MYT1L: variants seen among roughly 807,000 people sequenced by gnomAD.
MYT1L encodes the protein myelin transcription factor 1-like protein.
A neutral mutation model predicts 126.7 loss-of-function variants in MYT1L; 12 were observed. That is an observed-to-expected ratio of 0.09 (90% CI 0.06 to 0.15). The LOEUF (loss-of-function observed/expected upper bound fraction) is 0.15. Ranked by LOEUF, MYT1L falls within the 10% of genes least tolerant of loss-of-function variation. The pLI is 1.00. For synonymous variants in MYT1L, 541 were observed against 604.2 expected (o/e 0.90, Z 1.53); for missense variants, 979 against 1,585.2 (o/e 0.62, Z 6.49).
In MYT1L at chr2:1,979,656, G is replaced by A. The variant is rs2060451899; in HGVS notation, c.55+67C>T. 3.1e-6 allele frequency: 5 copies of A among 1,605,940 alleles called. No individual in the cohort carries two copies. The highest frequency in any genetic ancestry group is 2.2e-5 in the South Asian group (2 of 90,818). The stretch of plus-strand genomic sequence containing the variant: ...GTGGCATGAAAGTGGGGTCAGAATC[G>A]ACCTCAGTTCCGCAGGATGAAGGTG... On this transcript the variant is annotated intron_variant, in intron 6 of 24. Coordinates refer to ENST00000647738, the MANE Select transcript of MYT1L (RefSeq NM_001303052.2). This position sits in a 1 kb window ranked among gnomAD's most constrained non-coding sequence, Gnocchi z 4.0.
intron 4 of MYT1L, among the ~76,000 whole-genome samples, chr2:2,010,280 C>G (rs2063702347): frequency 6.6e-6 from 1 of 152,168 alleles, no homozygotes. Flanking sequence ...AATGACCCTT[C>G]AGGTCTGGGG....
intron 5 of MYT1L, among the ~76,000 whole-genome samples, chr2:1,987,881 T>C (rs2061167293): frequency 6.6e-6 from 1 of 152,168 alleles, no homozygotes; most frequent in African/African-American, 2.4e-5. Context: ...GGGTAGATAC[T>C]GGAACTGTAT....
intron 9 of MYT1L, among the ~76,000 whole-genome samples, chr2:1,942,322 C>A (rs1000688491): frequency 6.6e-6 from 1 of 152,160 alleles, no homozygotes; most frequent in Non-Finnish European, 1.5e-5. Context: ...AACGCACTGC[C>A]GGGAACATTC....
chr2:1,831,577 G>A (rs1478624899), intron 21 of MYT1L, among the ~76,000 whole-genome samples: 1 of 152,182 alleles, frequency 6.6e-6, no homozygotes, highest in African/African-American at 2.4e-5. Flanking sequence ...TTTGGTGCCT[G>A]ATCTTTTCCC....
chr2:1,902,806 C>G (rs937589360), intron 14 of MYT1L: 1 of 455,764 alleles, frequency 2.2e-6, no homozygotes, highest in African/African-American at 2.0e-5. Context: ...CAGTCCATAG[C>G]TTCTCCCTCT....
intron 3 of MYT1L, among the ~76,000 whole-genome samples, chr2:2,078,160 G>A (rs2075417141): frequency 6.6e-6 from 1 of 151,670 alleles, no homozygotes; most frequent in Non-Finnish European, 1.5e-5. Flanking sequence ...TAATTTCCAG[G>A]GAAATTAATG....
intron 4 of MYT1L, among the ~76,000 whole-genome samples, chr2:2,027,235 C>T (rs2065735661): frequency 2.0e-5 from 3 of 152,108 alleles, no homozygotes; most frequent in African/African-American, 4.8e-5. Context: ...AGAGCTCCAC[C>T]CCGGGAGGCA....
chr2:2,129,515 C>A (rs974264127), intron 3 of MYT1L, among the ~76,000 whole-genome samples: 3 of 152,120 alleles, frequency 2.0e-5, no homozygotes, highest in African/African-American at 7.2e-5. Flanking sequence ...AGCTGTCCCC[C>A]CAGAGTGCCT....
intron 8 of MYT1L, among the ~76,000 whole-genome samples, chr2:1,972,951 G>T (rs185698222): frequency 6.6e-6 from 1 of 151,094 alleles, no homozygotes. Flanking sequence ...CCTAACTTTC[G>T]GGTGTTTATT....
At chr2:2,101,590 C>G (rs1049973211) in intron 3 of MYT1L, among the ~76,000 whole-genome samples, 13 of 151,898 alleles carry the variant, frequency 8.6e-5, no homozygotes, top group Non-Finnish European at 1.9e-4. Context: ...ACCACCCATC[C>G]ATCCAACCAC....
At chr2:1,957,304 T>C (rs937603129) in intron 8 of MYT1L, among the ~76,000 whole-genome samples, 12 of 152,140 alleles carry the variant, frequency 7.9e-5, no homozygotes, top group African/African-American at 2.7e-4. Context: ...GGGGTATGAG[T>C]GGTTTTGGTT....
intron 2 of MYT1L, among the ~76,000 whole-genome samples, chr2:2,231,942 TGTG>T (rs2094172360): frequency 6.6e-6 from 1 of 152,236 alleles, no homozygotes; most frequent in Non-Finnish European, 1.5e-5. Flanking sequence ...AACGGATTAT[TGTG>T]GTTCTTCTCA....
Position 1,864,542 on chromosome 2 carries a change from G to C in MYT1L, c.2712-12839C>G, listed in dbSNP as rs546432146. 3.3e-5 allele frequency among the ~76,000 whole-genome samples: 5 copies of C among 152,306 alleles called. No homozygotes were observed. The South Asian group carries it at 1.0e-3, about 32-fold the overall frequency. On this transcript the variant is annotated intron_variant, in intron 18 of 24. Coordinates refer to ENST00000647738, the MANE Select transcript of MYT1L (RefSeq NM_001303052.2). The stretch of plus-strand genomic sequence containing the variant: ...CTGGACACTCCCCAGGGGAGAGCTG[G>C]CCCTGTCCCCCAGTCGCCGTCCCCA...
intron 1 of MYT1L, among the ~76,000 whole-genome samples, chr2:2,293,211 T>A (rs2095624616): frequency 6.6e-6 from 1 of 152,112 alleles, no homozygotes; most frequent in Non-Finnish European, 1.5e-5. Flanking sequence ...GCTGTGTCCA[T>A]CTTCTATGTA....
intron 8 of MYT1L, among the ~76,000 whole-genome samples, chr2:1,954,822 T>C (rs879441830): frequency 6.6e-6 from 1 of 152,002 alleles, no homozygotes; most frequent in African/African-American, 2.4e-5. Flanking sequence ...CCCAGCACTT[T>C]GGGAGGCCGA....
chr2:2,099,469 A>G (rs568914419), intron 3 of MYT1L, among the ~76,000 whole-genome samples: 1 of 152,312 alleles, frequency 6.6e-6, no homozygotes, highest in Non-Finnish European at 1.5e-5. Context: ...CTTAAGAGAC[A>G]CAGCACAGAG....
intron 14 of MYT1L, among the ~76,000 whole-genome samples, chr2:1,901,743 G>A (rs2050365331): frequency 6.6e-6 from 1 of 152,194 alleles, no homozygotes; most frequent in South Asian, 2.1e-4. Flanking sequence ...TTGATACAGA[G>A]TCTTGCTCTG....
intron 8 of MYT1L, among the ~76,000 whole-genome samples, chr2:1,957,653 T>G (rs547074829): frequency 6.6e-6 from 1 of 152,174 alleles, no homozygotes; most frequent in Admixed American, 6.5e-5. Context: ...ATCGTTATCA[T>G]CTATAATCTA....
At chr2:2,026,388 T>C (rs1574622356) in intron 4 of MYT1L, among the ~76,000 whole-genome samples, 1 of 151,740 alleles carries the variant, frequency 6.6e-6, no homozygotes, top group African/African-American at 2.4e-5. Context: ...GACTGGAGGG[T>C]CTGGGTTGCG....
Sources: allele counts gnomAD v4.1 joint callset (sites outside exome capture counted in the v4.1 genomes callset), GRCh38; gene constraint gnomAD v4.1.1; non-coding constraint Gnocchi (gnomAD v3.1); transcripts MANE v1.5; gene names NCBI Gene and HGNC (gene_info 2026-07-23, HGNC 2026-07-21).